Variants in SGCD observed in about 807,000 individuals in gnomAD.
The protein encoded by SGCD is delta-sarcoglycan.
In SGCD, 18 loss-of-function variants were observed where a neutral mutation model predicts 36.6. The observed-to-expected ratio is 0.49, with a 90% CI of 0.34 to 0.73. SGCD has a LOEUF of 0.73. Ranked by LOEUF, SGCD falls within the 30% of genes least tolerant of loss-of-function variation. The pLI is 0.01. For missense variants in SGCD, 387 were observed against 346.7 expected, an observed-to-expected ratio of 1.12 and a Z score of -0.92; for synonymous variants, 133 against 130.6, an observed-to-expected ratio of 1.02 and a Z score of -0.12.
chr5:155,775,703 C>G, the SGCD span, among the ~76,000 whole-genome samples: 2 of 152,030 alleles, frequency 1.3e-5, no homozygotes, highest in Non-Finnish European at 2.9e-5. Flanking sequence ...CATTTATTCA[C>G]TCATTCAGTC....
chr5:156,090,703 A>G (rs964439389), intron 1 of SGCD, among the ~76,000 whole-genome samples: 2 of 152,210 alleles, frequency 1.3e-5, no homozygotes, highest in African/African-American at 4.8e-5. Flanking sequence ...GCACTGCAGG[A>G]GACCAGGGTG....
intron 4 of SGCD, among the ~76,000 whole-genome samples, chr5:156,554,514 CTGTT>C (rs1438920599): frequency 1.3e-5 from 2 of 150,286 alleles, no homozygotes; most frequent in East Asian, 1.9e-4. Context: ...ATAGGAAAAA[CTGTT>C]TGTGTATATA....
At chr5:156,096,788 A>G (rs114552335) in intron 1 of SGCD, among the ~76,000 whole-genome samples, 265 of 152,352 alleles carry the variant, frequency 1.7e-3, no homozygotes, top group Middle Eastern at 3.4e-3. Flanking sequence ...AAAAAAATTA[A>G]AAATGGGTGC....
chr5:156,034,074 T>C lies in SGCD; in HGVS notation c.-281-83804T>C, dbSNP rs145509335. 9.7e-4 allele frequency among the ~76,000 whole-genome samples: 148 copies of C among 152,272 alleles called. 2 individuals are homozygous for C. In the East Asian group the frequency reaches 0.027, roughly 27 times the overall value. On this transcript the variant is annotated intron_variant, in intron 1 of 9. Coordinates refer to the SGCD transcript ENST00000517913. ...TATTTAGGTATGCCCTGCCAATTTT[T>C]AATAGTCCCTCTCTCCTACCCCACT...
the SGCD span, among the ~76,000 whole-genome samples, chr5:155,840,843 C>T: frequency 6.6e-6 from 1 of 151,484 alleles, no homozygotes; most frequent in Non-Finnish European, 1.5e-5. Flanking sequence ...GAAACCCTGT[C>T]TCTACTGAAA....
At chr5:156,023,408 A>G (rs1298822741) in intron 1 of SGCD, among the ~76,000 whole-genome samples, 2 of 152,232 alleles carry the variant, frequency 1.3e-5, no homozygotes, top group Non-Finnish European at 2.9e-5. Flanking sequence ...GAATTAGAGT[A>G]TGGGCTCTGA....
At chr5:156,378,089 G>T (rs991661717) in intron 3 of SGCD, among the ~76,000 whole-genome samples, 2 of 152,156 alleles carry the variant, frequency 1.3e-5, no homozygotes, top group Non-Finnish European at 2.9e-5. Flanking sequence ...ACAGAAGGTA[G>T]AGCAACCCAA....
At chr5:156,716,972 C>G (rs1318896560) in intron 7 of SGCD, among the ~76,000 whole-genome samples, 1 of 152,174 alleles carries the variant, frequency 6.6e-6, no homozygotes, top group African/African-American at 2.4e-5. Flanking sequence ...CAACATGAGT[C>G]ATCTTTGTTT....
the SGCD span, among the ~76,000 whole-genome samples, chr5:155,843,316 CA>C: frequency 6.6e-6 from 1 of 151,996 alleles, no homozygotes; most frequent in Non-Finnish European, 1.5e-5. Context: ...CTTGATTGAG[CA>C]CTAGATAAAA....
At chr5:156,071,514 G>C (rs1164279744) in intron 1 of SGCD, among the ~76,000 whole-genome samples, 2 of 152,228 alleles carry the variant, frequency 1.3e-5, no homozygotes, top group South Asian at 4.2e-4. Flanking sequence ...TGTAATTTCT[G>C]TTCTTTTACA....
At chr5:155,865,099 G>GATAC in the SGCD span, among the ~76,000 whole-genome samples, 1 of 151,570 alleles carries the variant, frequency 6.6e-6, no homozygotes, top group Non-Finnish European at 1.5e-5. Flanking sequence ...TAGATAGATA[G>GATAC]ATAGATAGAT....
chr5:155,764,972 ATGT>A, the SGCD span, among the ~76,000 whole-genome samples: 2 of 152,172 alleles, frequency 1.3e-5, no homozygotes, highest in African/African-American at 4.8e-5. Context: ...ACTCTAATAA[ATGT>A]TGTTTCAAAA....
chr5:155,863,564 G>A, the SGCD span, among the ~76,000 whole-genome samples: 12 of 142,510 alleles, frequency 8.4e-5, no homozygotes, highest in African/African-American at 1.2e-4. Flanking sequence ...GTCAATTACC[G>A]TCCTCTGCCT....
intron 1 of SGCD, among the ~76,000 whole-genome samples, chr5:156,048,649 T>C (rs1391176789): frequency 6.6e-6 from 1 of 152,230 alleles, no homozygotes; most frequent in African/African-American, 2.4e-5. Flanking sequence ...GTTCATATCC[T>C]TCACCCACTT....
intron 6 of SGCD, among the ~76,000 whole-genome samples, chr5:156,621,529 ATG>A (rs1308685090): frequency 6.6e-6 from 1 of 151,062 alleles, no homozygotes; most frequent in Non-Finnish European, 1.5e-5. Flanking sequence ...TAAAAAAAAA[ATG>A]TGCGTTATGG....
chr5:156,087,813 A>G (rs1210785043), intron 1 of SGCD, among the ~76,000 whole-genome samples: 1 of 152,156 alleles, frequency 6.6e-6, no homozygotes, highest in African/African-American at 2.4e-5. Context: ...GGATGGAGGA[A>G]CATAGAAGCT....
intron 1 of SGCD, among the ~76,000 whole-genome samples, chr5:155,980,564 G>A (rs1275166635): frequency 1.8e-5 from 2 of 110,758 alleles, no homozygotes; most frequent in South Asian, 3.4e-4. Context: ...CTCCAGCCTC[G>A]GTGACAGAGC....
chr5:156,532,059 G>A (rs763818732), intron 4 of SGCD, among the ~76,000 whole-genome samples: 18 of 152,036 alleles, frequency 1.2e-4, no homozygotes, highest in Non-Finnish European at 2.6e-4. Context: ...GCAGGGAGCC[G>A]AGACTGAGCC....
chr5:156,403,041 T>C (rs993319663), intron 3 of SGCD, among the ~76,000 whole-genome samples: 1 of 152,066 alleles, frequency 6.6e-6, no homozygotes, highest in Non-Finnish European at 1.5e-5. Context: ...CTATGAGGAG[T>C]TTATGTTTAT....
Sources: gnomAD v4.1 joint callset for allele counts (sites outside exome capture counted in the v4.1 genomes callset) on GRCh38, gnomAD v4.1.1 for gene constraint, MANE v1.5 for transcripts, NCBI Gene and HGNC (gene_info 2026-07-23, HGNC 2026-07-21) for gene names.